The following PARP16 variants were observed in gnomAD, a reference collection of about 807,000 sequenced individuals.
PARP16 encodes the protein protein mono-ADP-ribosyltransferase PARP16.
A neutral mutation model predicts 35.0 loss-of-function variants in PARP16; 31 were observed. The observed-to-expected ratio is 0.88, with a 90% CI of 0.66 to 1.19. The LOEUF (loss-of-function observed/expected upper bound fraction) is 1.19, where lower values mean the gene tolerates loss of function less well. PARP16 is among the 50% of genes most tolerant of loss of function. PARP16 has a pLI of 0.00. For missense variants in PARP16, 424 were observed against 411.2 expected (o/e 1.03, Z -0.27); for synonymous variants, 162 against 169.5 (o/e 0.96, Z 0.34).
At chr15:65,239,955 C>CTTTTTTTTTTTTTTTTTTT (rs367808430) in intron 3 of PARP16, among the ~76,000 whole-genome samples, 1,512 of 81,600 alleles carry the variant, frequency 0.019, 231 homozygotes, top group Middle Eastern at 0.026. Context: ...CGCGTCTGAC[C>CTTTTTTTTTTTTTTTTTTT]TTTTTTTTTT....
At chr15:65,250,290 G>T (rs1309311081) in intron 2 of PARP16, among the ~76,000 whole-genome samples, 1 of 151,640 alleles carries the variant, frequency 6.6e-6, no homozygotes, top group East Asian at 1.9e-4. Flanking sequence ...GCTGATTTTT[G>T]TGTTTTTAGT....
At chr15:65,233,768 G>T (rs2088814121), downstream of PARP16, among the ~76,000 whole-genome samples, 1 of 151,596 alleles carries the variant, frequency 6.6e-6, no homozygotes, top group South Asian at 2.1e-4. Flanking sequence ...AATTTAAATT[G>T]CAAATAGGTT....
At chr15:65,268,341 T>A (rs981266057) in intron 2 of PARP16, among the ~76,000 whole-genome samples, 1 of 152,142 alleles carries the variant, frequency 6.6e-6, no homozygotes, top group Non-Finnish European at 1.5e-5. Context: ...ATGGTGGCCA[T>A]CCCAGCTGAA....
At chr15:65,280,433 T>C (rs2090386247) in intron 1 of PARP16, among the ~76,000 whole-genome samples, 1 of 127,470 alleles carries the variant, frequency 7.8e-6, no homozygotes, top group Admixed American at 8.5e-5. Flanking sequence ...CAAGAACTCG[T>C]CTCAAAAAAA....
chr15:65,283,126 T>C (rs896846336), intron 1 of PARP16, among the ~76,000 whole-genome samples: 1 of 152,052 alleles, frequency 6.6e-6, no homozygotes, highest in Admixed American at 6.6e-5. Context: ...TAGAGATATG[T>C]TTCTTGGTAA....
exon 4 of PARP16, chr15:65,234,533 A>T (rs2088827567): frequency 6.6e-6 from 1 of 152,232 alleles, no homozygotes; most frequent in Non-Finnish European, 1.5e-5. Context: ...CTACTGCTGC[A>T]TAACATATCA....
chr15:65,243,176 A>G (rs1204521655), intron 3 of PARP16, among the ~76,000 whole-genome samples: 1 of 152,180 alleles, frequency 6.6e-6, no homozygotes, highest in Non-Finnish European at 1.5e-5. Flanking sequence ...CTTGAATAGA[A>G]GTGGTAAGAA....
In PARP16 at chr15:65,268,996, C is replaced by T. The variant is rs548693645; in HGVS notation, c.312+1939G>A. On this transcript the variant is annotated intron_variant, in intron 2 of 5. Coordinates refer to ENST00000649807, the MANE Select transcript of PARP16 (RefSeq NM_001316943.2). ...TCTTGAACTCCTGGCCTCAAGTGAT[C>T]CGCCTGCCTTGGCCTCCCAAAGTGC... is the stretch of plus-strand genomic sequence containing the variant. Among the ~76,000 whole-genome samples the T allele has an allele frequency of 2.2e-4, 33 of 152,186 alleles. No homozygotes were observed. The Middle Eastern group carries it at 0.01, about 47-fold the overall frequency.
downstream of PARP16, among the ~76,000 whole-genome samples, chr15:65,256,616 C>T (rs1007665650): frequency 6.6e-6 from 1 of 151,974 alleles, no homozygotes; most frequent in Non-Finnish European, 1.5e-5. Flanking sequence ...ACCGTGTTAG[C>T]CAGGACGGTC....
At chr15:65,284,726 C>A (rs2090528978) in intron 1 of PARP16, among the ~76,000 whole-genome samples, 1 of 151,838 alleles carries the variant, frequency 6.6e-6, no homozygotes, top group South Asian at 2.1e-4. Context: ...TACTTATTCC[C>A]TCAGTGATTG....
downstream of PARP16, among the ~76,000 whole-genome samples, chr15:65,255,485 TG>T (rs1237142337): frequency 6.6e-6 from 1 of 151,978 alleles, no homozygotes; most frequent in Non-Finnish European, 1.5e-5. Context: ...CCAGGGCCCA[TG>T]GAAGTCATAA....
At chr15:65,275,898 G>A (rs1473783726) in intron 1 of PARP16, among the ~76,000 whole-genome samples, 3 of 152,096 alleles carry the variant, frequency 2.0e-5, no homozygotes, top group East Asian at 1.9e-4. Context: ...CCCATCACTC[G>A]TGTCCTCAAA....
At chr15:65,251,632 GATGAGATACTATTATCTCATCAAAAGAT>G (rs1425034303) in intron 2 of PARP16, among the ~76,000 whole-genome samples, 2 of 58,088 alleles carry the variant, frequency 3.4e-5, no homozygotes, top group African/African-American at 7.8e-5. Context: ...GGTTCATTTT[GATGAGATACTATTATCTCATCAAAAGAT>G]ATGAGATACT....
At chr15:65,279,537 G>A (rs570719059) in intron 1 of PARP16, among the ~76,000 whole-genome samples, 1 of 152,158 alleles carries the variant, frequency 6.6e-6, no homozygotes, top group African/African-American at 2.4e-5. Flanking sequence ...ATGTATCTAT[G>A]TCTGTATCCA....
chr15:65,267,167 G>A lies in PARP16; in HGVS notation c.313-399C>T, dbSNP rs533561358. 9.2e-5 allele frequency among the ~76,000 whole-genome samples: 14 copies of A among 152,098 alleles called. No individual in the cohort carries two copies. The East Asian group carries it at 2.7e-3, about 29-fold the overall frequency. ...GAGGCAGAAGAATCACTTGAACCTGGGAGGTGGAGGTTGCAGTGAGCAGAG... is the reference window on the plus strand; with the variant it reads ...GAGGCAGAAGAATCACTTGAACCTGAGAGGTGGAGGTTGCAGTGAGCAGAG... On this transcript the variant is annotated intron_variant, in intron 2 of 5. Transcript: ENST00000649807.
intron 3 of PARP16, among the ~76,000 whole-genome samples, chr15:65,246,491 G>A (rs765885773): frequency 9.2e-5 from 14 of 152,216 alleles, no homozygotes; most frequent in South Asian, 2.1e-4. Flanking sequence ...GACGCCCTCC[G>A]CCTGTCTGGA....
intron 2 of PARP16, among the ~76,000 whole-genome samples, chr15:65,249,229 T>C (rs1232711988): frequency 2.0e-5 from 3 of 152,244 alleles, no homozygotes; most frequent in Non-Finnish European, 4.4e-5. Context: ...CTCTGTGGAC[T>C]GTGTCCACTT....
At chr15:65,247,433 A>G (rs1567011812) in intron 3 of PARP16, among the ~76,000 whole-genome samples, 1 of 152,200 alleles carries the variant, frequency 6.6e-6, no homozygotes, top group Non-Finnish European at 1.5e-5. Flanking sequence ...AGAGCTTCTA[A>G]AATTAGGCAT....
At chr15:65,239,424 TAAAA>T (rs758350761) in intron 3 of PARP16, among the ~76,000 whole-genome samples, 60 of 6,962 alleles carry the variant, frequency 8.6e-3, no homozygotes, top group Non-Finnish European at 0.01. Flanking sequence ...AGACTTTGCC[TAAAA>T]AAAAAAAAAA....
Sources: allele counts gnomAD v4.1 joint callset (sites outside exome capture counted in the v4.1 genomes callset), GRCh38; gene constraint gnomAD v4.1.1; transcripts MANE v1.5; gene names NCBI Gene and HGNC (gene_info 2026-07-23, HGNC 2026-07-21).